BMPR1B: variants seen among roughly 807,000 people sequenced by gnomAD.
BMPR1B encodes bone morphogenetic protein receptor type 1B, also known as bone morphogenetic protein receptor type-1B.
Under a neutral mutation model 59.1 loss-of-function variants are expected in BMPR1B, and 12 were observed. The observed-to-expected ratio is 0.20, with a 90% CI of 0.13 to 0.33. BMPR1B has a LOEUF of 0.33. Ranked by LOEUF, BMPR1B falls within the 10% of genes least tolerant of loss-of-function variation. BMPR1B has a pLI of 1.00. For synonymous variants in BMPR1B, 237 were observed against 207.3 expected, an observed-to-expected ratio of 1.14 and a Z score of -1.23; for missense variants, 550 against 610.9, an observed-to-expected ratio of 0.90 and a Z score of 1.05.
intron 2 of BMPR1B, among the ~76,000 whole-genome samples, chr4:94,918,697 G>T (rs1403872658): frequency 2.6e-5 from 4 of 151,356 alleles, no homozygotes; most frequent in Admixed American, 2.6e-4. Flanking sequence ...AAAAAAAAAT[G>T]AAGCTTCTAT....
At chr4:95,104,309 A>G in intron 3 of BMPR1B, 99 bp from the exon 4 acceptor site, 1 of 1,344,576 alleles carries the variant, frequency 7.4e-7, no homozygotes, top group Non-Finnish European at 1.0e-6. Flanking sequence ...AAGTATCTTG[A>G]ATACTTCATT....
chr4:95,046,353 CT>C (rs1726061602), intron 3 of BMPR1B, among the ~76,000 whole-genome samples: 1 of 152,136 alleles, frequency 6.6e-6, no homozygotes, highest in South Asian at 2.1e-4. Flanking sequence ...ATTGGCAAAG[CT>C]TTTCATGTGA....
intron 3 of BMPR1B, among the ~76,000 whole-genome samples, chr4:95,080,311 A>C (rs1247514483): frequency 6.6e-6 from 1 of 151,960 alleles, no homozygotes; most frequent in African/African-American, 2.4e-5. Flanking sequence ...ATCTCGGCTC[A>C]CTGCAACCTC....
chr4:94,886,286 C>A (rs2148984914), intron 2 of BMPR1B, among the ~76,000 whole-genome samples: 1 of 152,178 alleles, frequency 6.6e-6, no homozygotes, highest in African/African-American at 2.4e-5. Context: ...CTGAAAGATA[C>A]AGTTTCTAAT....
At chr4:95,149,532 T>C (rs1490615522) in intron 11 of BMPR1B, among the ~76,000 whole-genome samples, 2 of 152,236 alleles carry the variant, frequency 1.3e-5, no homozygotes, top group African/African-American at 2.4e-5. Flanking sequence ...AGAAGACATA[T>C]TTAAATATTC....
rs1240765196 is a variant in BMPR1B, at chr4:94,780,249, A to T, written c.-183+22181A>T. On this transcript the variant is annotated intron_variant, in intron 1 of 12. Transcript: ENST00000515059. ...CTCTATAAACTTGTCTATTTTAGAC[A>T]TTCCGTAAAATGGAATGATACAATA... 1.3e-5 allele frequency among the ~76,000 whole-genome samples: 2 copies of T among 152,192 alleles called. 1 individual carries two copies. The highest frequency in any genetic ancestry group is 4.1e-4 in the South Asian group (2 of 4,834).
At chr4:94,783,808 C>T (rs7693277) in intron 1 of BMPR1B, among the ~76,000 whole-genome samples, 48,129 of 152,016 alleles carry the variant, frequency 0.32, 8,370 homozygotes, top group African/African-American at 0.46. Flanking sequence ...AAGCTCTGAC[C>T]ACTTGGCCAT....
intron 3 of BMPR1B, among the ~76,000 whole-genome samples, chr4:95,064,520 C>T (rs994172191): frequency 6.6e-6 from 1 of 152,098 alleles, no homozygotes; most frequent in African/African-American, 2.4e-5. Flanking sequence ...AATTGTCTTC[C>T]ACAAAACTGG....
chr4:94,900,620 A>T (rs1161565541), intron 2 of BMPR1B, among the ~76,000 whole-genome samples: 1 of 152,036 alleles, frequency 6.6e-6, no homozygotes, highest in South Asian at 2.1e-4. Context: ...GTTCAAGAGT[A>T]CAGATATATA....
chr4:95,115,539 T>C (rs974336558), intron 5 of BMPR1B, 146 bp from the exon 6 acceptor site: 2 of 730,192 alleles, frequency 2.7e-6, no homozygotes, highest in Admixed American at 2.2e-5. Context: ...AATTACCTTA[T>C]AGAGGAGAAC....
intron 2 of BMPR1B, among the ~76,000 whole-genome samples, chr4:94,992,706 G>T (rs1311362373): frequency 6.6e-6 from 1 of 152,044 alleles, no homozygotes; most frequent in Non-Finnish European, 1.5e-5. Flanking sequence ...CAGTTCTGTG[G>T]GCTTTGTCAA....
chr4:94,833,227 G>A (rs1324252763), intron 1 of BMPR1B, among the ~76,000 whole-genome samples: 1 of 148,026 alleles, frequency 6.8e-6, no homozygotes, highest in African/African-American at 2.5e-5. Context: ...GTATAAATAA[G>A]TACCTACCTC....
At chr4:94,860,257 T>G (rs1725926567) in intron 1 of BMPR1B, among the ~76,000 whole-genome samples, 1 of 152,140 alleles carries the variant, frequency 6.6e-6, no homozygotes, top group Non-Finnish European at 1.5e-5. Flanking sequence ...GGTCTGAAAA[T>G]TGGATGATAT....
chr4:94,836,971 A>C (rs374546339), intron 1 of BMPR1B, among the ~76,000 whole-genome samples: 6,572 of 143,354 alleles, frequency 0.046, 315 homozygotes, highest in Non-Finnish European at 0.073. Context: ...TCAGCTTTCT[A>C]CATATGGCTA....
At chr4:94,792,588 A>G (rs1391837099) in intron 1 of BMPR1B, among the ~76,000 whole-genome samples, 1 of 152,214 alleles carries the variant, frequency 6.6e-6, no homozygotes, top group African/African-American at 2.4e-5. Flanking sequence ...TCCGAAGTCA[A>G]GAGACTACTT....
At chr4:94,860,492 T>G (rs1190843343) in intron 1 of BMPR1B, among the ~76,000 whole-genome samples, 1 of 152,196 alleles carries the variant, frequency 6.6e-6, no homozygotes, top group Non-Finnish European at 1.5e-5. Context: ...TAAGGTTGCT[T>G]AAATATCCAT....
intron 3 of BMPR1B, among the ~76,000 whole-genome samples, chr4:95,083,360 C>T (rs1158792): frequency 0.67 from 102,132 of 151,852 alleles, 34,488 homozygotes; most frequent in South Asian, 0.74. Context: ...ATGGTAAGTA[C>T]CATAATCATG....
chr4:95,145,540 T>G (rs1191705217), intron 10 of BMPR1B, among the ~76,000 whole-genome samples: 2 of 152,240 alleles, frequency 1.3e-5, no homozygotes, highest in Non-Finnish European at 2.9e-5. Context: ...TCCTTTATTC[T>G]TGGCACCCCA....
chr4:95,127,981 C>A (rs542010562), intron 8 of BMPR1B, among the ~76,000 whole-genome samples: 1 of 151,846 alleles, frequency 6.6e-6, no homozygotes, highest in South Asian at 2.1e-4. Context: ...ACCTCCCAGG[C>A]TCAAGCGATC....
Sources: allele counts gnomAD v4.1 joint callset (sites outside exome capture counted in the v4.1 genomes callset), GRCh38; gene constraint gnomAD v4.1.1; transcripts MANE v1.5; gene names NCBI Gene and HGNC (gene_info 2026-07-23, HGNC 2026-07-21).